CAMK1D: variants seen among roughly 807,000 people sequenced by gnomAD.
CAMK1D encodes calcium/calmodulin dependent protein kinase ID.
Under a neutral mutation model 47.7 loss-of-function variants are expected in CAMK1D, and 9 were observed. That is an observed-to-expected ratio of 0.19 (90% CI 0.11 to 0.33). CAMK1D has a LOEUF of 0.33. Ranked by LOEUF, CAMK1D falls within the 10% of genes least tolerant of loss-of-function variation. The pLI, the probability that CAMK1D is intolerant of heterozygous loss-of-function variation, is 1.00. For missense variants in CAMK1D, 291 were observed against 488.7 expected (o/e 0.60, Z 3.81); for synonymous variants, 184 against 184.9 (o/e 0.99, Z 0.04).
At chr10:12,613,637 C>G (rs1200484996) in intron 2 of CAMK1D, among the ~76,000 whole-genome samples, 1 of 152,166 alleles carries the variant, frequency 6.6e-6, no homozygotes, top group Non-Finnish European at 1.5e-5. Flanking sequence ...TGACACCATG[C>G]CTGGCTCATT....
rs1554831827 is a variant in CAMK1D, at chr10:12,827,468, G to GTCTGTCTT, written c.1040-1297_1040-1290dup. 6.1e-3 allele frequency among the ~76,000 whole-genome samples: 23 copies of GTCTGTCTT among 3,798 alleles called. 7 individuals carry two copies. The highest frequency in any genetic ancestry group is 0.011 in the African/African-American group (21 of 1,962). The allele number at this position is 3,798 out of a possible 152,430, so 2.5% of individuals were successfully genotyped here. On this transcript the variant is annotated intron_variant, in intron 10 of 10. Coordinates refer to ENST00000619168, the MANE Select transcript of CAMK1D (RefSeq NM_153498.4). ...CTTTCTTTCTTTTCTTTCTTTGTCT[G>GTCTGTCTT]TCTGTCTTTCTTTCTTTCTTTCTTT...
In CAMK1D at chr10:12,565,942, G is replaced by A. The variant is rs118037955; in HGVS notation, c.224+12586G>A. 5.3e-4 allele frequency among the ~76,000 whole-genome samples: 81 copies of A among 152,144 alleles called. 2 individuals are homozygous for A. In the East Asian group the frequency reaches 0.012, roughly 22 times the overall value. On this transcript the variant is annotated intron_variant, in intron 2 of 10. Transcript: ENST00000619168. Reference sequence around the variant, plus strand: ...TCACTAATGGTGAAAGAATAAATCCGTAACTGTGGCTTCTCAGCTACTAGA... The same window carrying A: ...TCACTAATGGTGAAAGAATAAATCCATAACTGTGGCTTCTCAGCTACTAGA...
chr10:12,709,294 G>C (rs1158835402), intron 3 of CAMK1D, among the ~76,000 whole-genome samples: 1 of 152,104 alleles, frequency 6.6e-6, no homozygotes, highest in Non-Finnish European at 1.5e-5. Context: ...CTGAGAAAAT[G>C]TGAGGAGTGC....
rs1311730913 is a variant in CAMK1D, at chr10:12,832,479, C to A, written c.*3592C>A. ...TTGCTGTGTTAGAGAAATGGCAACC[C>A]CCAGGACCATGCACGGCTCTGGCAG... On this transcript the variant is annotated 3_prime_UTR_variant, in exon 11 of 11. Transcript: ENST00000619168. 1.3e-5 allele frequency: 2 copies of A among 152,236 alleles called. No homozygotes were observed. The highest frequency in any genetic ancestry group is 3.9e-4 in the East Asian group (2 of 5,190). 9.4% of individuals were successfully genotyped at this position (152,236 alleles called of 1,614,324 possible).
intron 2 of CAMK1D, among the ~76,000 whole-genome samples, chr10:12,617,828 G>C (rs1838870748): frequency 6.6e-6 from 1 of 152,192 alleles, no homozygotes; most frequent in African/African-American, 2.4e-5. Flanking sequence ...GGTTTCCACT[G>C]GTGAGCTCCT....
intron 2 of CAMK1D, among the ~76,000 whole-genome samples, chr10:12,605,594 A>G (rs1026052023): frequency 7.9e-5 from 12 of 152,028 alleles, no homozygotes; most frequent in Admixed American, 2.0e-4. Flanking sequence ...CTTCTGCAGT[A>G]CAGTTTGTGC....
chr10:12,388,364 C>G (rs1271622631), intron 1 of CAMK1D, among the ~76,000 whole-genome samples: 2 of 152,192 alleles, frequency 1.3e-5, no homozygotes, highest in Admixed American at 6.5e-5. Context: ...CCGAATCAAC[C>G]TTGAAACTTA....
intron 1 of CAMK1D, among the ~76,000 whole-genome samples, chr10:12,518,469 A>T (rs1835276421): frequency 9.7e-6 from 1 of 102,878 alleles, no homozygotes; most frequent in Admixed American, 9.3e-5. Context: ...GTCTTTATTC[A>T]TTCTTTTTTT....
chr10:12,778,302 G>A (rs936385686), intron 5 of CAMK1D, among the ~76,000 whole-genome samples: 1 of 152,222 alleles, frequency 6.6e-6, no homozygotes, highest in African/African-American at 2.4e-5. Flanking sequence ...TGCACAGGGT[G>A]CCTTAGGAGG....
intron 2 of CAMK1D, among the ~76,000 whole-genome samples, chr10:12,612,660 C>G (rs894962681): frequency 1.3e-5 from 2 of 151,990 alleles, no homozygotes; most frequent in Admixed American, 1.3e-4. Flanking sequence ...CCTGGATGGG[C>G]GTGGAGGTCG....
chr10:12,489,394 G>T (rs1834312547), intron 1 of CAMK1D, among the ~76,000 whole-genome samples: 1 of 152,158 alleles, frequency 6.6e-6, no homozygotes, highest in African/African-American at 2.4e-5. Context: ...CAAGAGGGAG[G>T]GAAGGATCTC....
At chr10:12,463,800 C>A (rs1294687120) in intron 1 of CAMK1D, among the ~76,000 whole-genome samples, 1 of 151,964 alleles carries the variant, frequency 6.6e-6, no homozygotes, top group Non-Finnish European at 1.5e-5. Flanking sequence ...AGGGAGAGAC[C>A]AGGTGGAGGT....
chr10:12,351,363 A>T (rs1837350854), intron 1 of CAMK1D, among the ~76,000 whole-genome samples: 1 of 152,194 alleles, frequency 6.6e-6, no homozygotes, highest in Non-Finnish European at 1.5e-5. Context: ...AGTTTGGGTC[A>T]AAACTTTTGA....
At chr10:12,387,200 T>G (rs1470400083) in intron 1 of CAMK1D, among the ~76,000 whole-genome samples, 1 of 142,354 alleles carries the variant, frequency 7.0e-6, no homozygotes, top group East Asian at 2.1e-4. Context: ...AGAGACTCCA[T>G]CTCAAAAAAA....
intron 2 of CAMK1D, among the ~76,000 whole-genome samples, chr10:12,618,814 T>C (rs1240363808): frequency 3.9e-5 from 6 of 152,354 alleles, no homozygotes; most frequent in Non-Finnish European, 5.9e-5. Context: ...AGTTGCAGTT[T>C]ATTTGTCATA....
At chr10:12,555,797 G>T (rs10906168) in intron 2 of CAMK1D, among the ~76,000 whole-genome samples, 1 of 151,812 alleles carries the variant, frequency 6.6e-6, no homozygotes, top group Non-Finnish European at 1.5e-5. Context: ...GATTCCCTTA[G>T]GGCTGAGAAG....
intron 1 of CAMK1D, among the ~76,000 whole-genome samples, chr10:12,520,908 GGGAGACCGTGGAA>G (rs1407326932): frequency 9.3e-6 from 1 of 107,580 alleles, no homozygotes; most frequent in African/African-American, 3.4e-5. Flanking sequence ...CGGCATCAGA[GGGAGACCGTGGAA>G]GGAGACCGTG....
intron 6 of CAMK1D, among the ~76,000 whole-genome samples, chr10:12,808,733 G>A (rs992536050): frequency 3.3e-5 from 5 of 152,036 alleles, no homozygotes; most frequent in South Asian, 2.1e-4. Context: ...AGCCAAGGTC[G>A]CGCTACTGCA....
chr10:12,420,676 T>G (rs12268783), intron 1 of CAMK1D, among the ~76,000 whole-genome samples: 4,522 of 152,264 alleles, frequency 0.03, 68 homozygotes, highest in Middle Eastern at 0.048. Context: ...CAGGAAGGTT[T>G]CAGGGGTTTC....
Sources: gnomAD v4.1 joint callset for allele counts (sites outside exome capture counted in the v4.1 genomes callset) on GRCh38, gnomAD v4.1.1 for gene constraint, MANE v1.5 for transcripts, NCBI Gene and HGNC (gene_info 2026-07-23, HGNC 2026-07-21) for gene names.